ALOX5AP: variants seen among roughly 807,000 people sequenced by gnomAD.
ALOX5AP encodes arachidonate 5-lipoxygenase activating protein.
ALOX5AP carries 9 observed loss-of-function variants against 18.5 expected under a neutral mutation model. The ratio of observed to expected loss-of-function variants is 0.49; its 90% CI spans 0.29 to 0.85. ALOX5AP has a LOEUF of 0.85. Ranked by LOEUF, ALOX5AP falls within the 40% of genes least tolerant of loss-of-function variation. The pLI is 0.08. For synonymous variants in ALOX5AP, 81 were observed against 78.6 expected, an observed-to-expected ratio of 1.03 and a Z score of -0.16; for missense variants, 172 against 202.5, an observed-to-expected ratio of 0.85 and a Z score of 0.91.
rs77747057 is a variant in ALOX5AP at position 30,719,318 on chromosome 13, T to G, written c.116+5477T>G. Among the ~76,000 whole-genome samples the G allele has an allele frequency of 4.1e-4, 62 of 152,360 alleles. No individual in the cohort carries two copies. In the East Asian group the frequency reaches 0.011, roughly 27 times the overall value. ...AATGATGACTCTCTAGGCTAGGATT[T>G]CAGCTTCATTGCATGCACATGGTGC... On this transcript the variant is annotated intron_variant, in intron 1 of 5. Transcript: ENST00000617770.
intron 1 of ALOX5AP, among the ~76,000 whole-genome samples, chr13:30,729,163 T>C (rs903508690): frequency 5.9e-5 from 9 of 152,218 alleles, no homozygotes; most frequent in African/African-American, 9.6e-5. Context: ...GATTTTTTTT[T>C]TCTTAGATGG....
chr13:30,713,933 G>A, intron 1 of ALOX5AP: 1 of 1,395,174 alleles, frequency 7.2e-7, no homozygotes, highest in South Asian at 1.3e-5. Flanking sequence ...CATGTTCGGT[G>A]GTTTTTAAGA....
rs1951527105 is a variant in ALOX5AP at position 30,713,756 on chromosome 13, C to T, written c.31C>T (p.His11Tyr). 2.0e-6 allele frequency: 3 copies of T among 1,535,480 alleles called. No individual in the cohort carries two copies. In the East Asian group the frequency reaches 7.3e-5, roughly 38 times the overall value. The change falls in exon 1 of 6, where the codon CAT (histidine) becomes TAT (tyrosine). Residue 11 changes from histidine to tyrosine, a missense_variant. Transcript: ENST00000617770. ...CACATTTAATCACGATGCTCCCTGG[C>T]ATACACAGAAGACTCTGAAAACTTC...
At chr13:30,731,787 C>T (rs115044474), upstream of ALOX5AP, among the ~76,000 whole-genome samples, 661 of 152,338 alleles carry the variant, frequency 4.3e-3, 7 homozygotes, top group African/African-American at 0.015. Context: ...GGGTACAATG[C>T]CCAGTACAGA....
chr13:30,755,703 G>A (rs902401147), intron 3 of ALOX5AP, among the ~76,000 whole-genome samples: 1 of 152,182 alleles, frequency 6.6e-6, no homozygotes, highest in African/African-American at 2.4e-5. Flanking sequence ...GCCATCCTGG[G>A]CCACGTGCGA....
intron 1 of ALOX5AP, among the ~76,000 whole-genome samples, chr13:30,742,916 C>T (rs974910504): frequency 5.9e-5 from 8 of 134,674 alleles, no homozygotes; most frequent in African/African-American, 2.2e-4. Flanking sequence ...ACTGTGTCTC[C>T]TTGGCATCTC....
At chr13:30,741,428 C>G (rs1593436674) in intron 1 of ALOX5AP, among the ~76,000 whole-genome samples, 1 of 142,910 alleles carries the variant, frequency 7.0e-6, no homozygotes, top group South Asian at 2.2e-4. Context: ...TGGAGTTTCA[C>G]TCTTGTCACC....
At chr13:30,748,636 A>G (rs942196772) in intron 2 of ALOX5AP, among the ~76,000 whole-genome samples, 1 of 152,242 alleles carries the variant, frequency 6.6e-6, no homozygotes, top group Non-Finnish European at 1.5e-5. Flanking sequence ...TGTCAATAGG[A>G]AAGACATTTC....
At chr13:30,720,593 C>T (rs929944893) in intron 1 of ALOX5AP, among the ~76,000 whole-genome samples, 18 of 152,220 alleles carry the variant, frequency 1.2e-4, no homozygotes, top group African/African-American at 3.9e-4. Context: ...TAGCCACATC[C>T]TGTGTTAGTT....
At chr13:30,763,085 A>C (rs147666338) in intron 4 of ALOX5AP, among the ~76,000 whole-genome samples, 2 of 152,320 alleles carry the variant, frequency 1.3e-5, no homozygotes, top group African/African-American at 4.8e-5. Context: ...AGGTGAGTGG[A>C]TTGCCTGAGC....
At position 30,744,113 on chromosome 13, in the gene ALOX5AP, T is replaced by A; in HGVS notation, c.124T>A (p.Phe42Ile). Residue 42 changes from phenylalanine to isoleucine, a missense_variant, in exon 2 of 5, where the codon TTC becomes ATC. By Grantham distance (21) the Phe-to-Ile change is conservative (BLOSUM62 0). Coordinates refer to ENST00000380490, the MANE Select transcript of ALOX5AP (RefSeq NM_001629.4). ...HESRTQNGRS[F>I]QRTGTLAFER... ...AAGCAGGACCCAGAATGGGAGGAGC[T>A]TCCAGAGGACCGGAACACTTGCCTT... 1.9e-6 allele frequency: 3 copies of A among 1,614,154 alleles called. No homozygotes were observed. Among genetic ancestry groups the A allele is most frequent in the Non-Finnish European group, 2.5e-6 (3 of 1,180,002 alleles).
exon 1 of ALOX5AP, chr13:30,713,739 A>G: frequency 1.3e-6 from 2 of 1,533,720 alleles, no homozygotes; most frequent in Non-Finnish European, 8.7e-7. Context: ...CTCACATTTA[A>G]TCACGATGCT....
Position 30,764,319 on chromosome 13 carries a change from A to T in ALOX5AP, c.*213A>T. ...ACATGACCGTGGCCCCAAATTTGCT[A>T]TTCCCATGCATTTTGTTTGTTTCTT... is the stretch of plus-strand genomic sequence containing the variant. On this transcript the variant is annotated 3_prime_UTR_variant, in exon 5 of 5. Coordinates refer to ENST00000380490, the MANE Select transcript of ALOX5AP (RefSeq NM_001629.4). The T allele has an allele frequency of 2.0e-6, 1 of 494,242 alleles. No individual in the cohort carries two copies. Among genetic ancestry groups the T allele is most frequent in the Non-Finnish European group, 3.5e-6 (1 of 283,770 alleles). 30.6% of individuals were successfully genotyped at this position (494,242 alleles called of 1,614,324 possible). A position where few individuals can be genotyped will look rare whatever the true frequency, so the allele number is the denominator to read the frequency against.
intron 2 of ALOX5AP, among the ~76,000 whole-genome samples, chr13:30,747,977 T>C (rs1314644946): frequency 1.3e-5 from 2 of 152,302 alleles, no homozygotes; most frequent in African/African-American, 4.8e-5. Flanking sequence ...TGGAGTGCAG[T>C]GGTGCAATCT....
intron 1 of ALOX5AP, among the ~76,000 whole-genome samples, chr13:30,729,690 C>T (rs1342871313): frequency 6.6e-6 from 1 of 151,736 alleles, no homozygotes; most frequent in Non-Finnish European, 1.5e-5. Context: ...GATTCTCCTG[C>T]CTCAGCCTCC....
chr13:30,741,610 C>T lies in ALOX5AP; in HGVS notation c.71-2450C>T, dbSNP rs1244092691. ...TTTTAGTAGAGATGGGGTGTCACCA[C>T]GTTGGCCTGGCTGGTCTTGAACTCC... On this transcript the variant is annotated intron_variant, in intron 1 of 4. Coordinates refer to ENST00000380490, the MANE Select transcript of ALOX5AP (RefSeq NM_001629.4). Among the ~76,000 whole-genome samples, 3 of 133,836 alleles carry T rather than the reference C, an allele frequency of 2.2e-5. No homozygotes were observed. The East Asian group carries it at 7.8e-4, about 35-fold the overall frequency. 87.8% of individuals were successfully genotyped at this position (133,836 alleles called of 152,430 possible).
chr13:30,757,796 T>G (rs1951908620), intron 4 of ALOX5AP, among the ~76,000 whole-genome samples: 1 of 152,202 alleles, frequency 6.6e-6, no homozygotes, highest in African/African-American at 2.4e-5. Context: ...AACTGATTCC[T>G]ATTAGGGAAT....
At chr13:30,716,250 CA>C (rs1278978562) in intron 1 of ALOX5AP, among the ~76,000 whole-genome samples, 3 of 152,198 alleles carry the variant, frequency 2.0e-5, no homozygotes, top group Non-Finnish European at 4.4e-5. Context: ...CTCTACCTGC[CA>C]ACACTGCAAC....
rs144750966 is a variant in ALOX5AP at position 30,754,373 on chromosome 13, A to G, written c.242-1571A>G. On this transcript the variant is annotated intron_variant, in intron 3 of 4. Transcript: ENST00000380490. ...GCTGATTGGAGGCAAATCCAAGGAC[A>G]CTCATTGCTGGTGTGTGACTCCAGG... Among the ~76,000 whole-genome samples the G allele has an allele frequency of 1.6e-3, 238 of 152,244 alleles. 1 individual carries two copies. The highest frequency in any genetic ancestry group is 2.5e-3 in the Non-Finnish European group (173 of 68,010).
Sources: gnomAD v4.1 joint callset for allele counts (sites outside exome capture counted in the v4.1 genomes callset) on GRCh38, gnomAD v4.1.1 for gene constraint, MANE v1.5 for transcripts, NCBI Gene and HGNC (gene_info 2026-07-23, HGNC 2026-07-21) for gene names.